The following NRG3 variants were observed in gnomAD, a reference collection of about 807,000 sequenced individuals.
The protein encoded by NRG3 is neuregulin 3.
In NRG3, 31 loss-of-function variants were observed where a neutral mutation model predicts 66.9. The observed-to-expected ratio is 0.46, with a 90% CI of 0.35 to 0.63. The LOEUF (loss-of-function observed/expected upper bound fraction) is 0.63. Ranked by LOEUF, NRG3 falls within the 20% of genes least tolerant of loss-of-function variation. The probability of loss-of-function intolerance (pLI) is 0.00; values close to 1 mark genes in which losing one functional copy is unlikely to be tolerated. For missense variants in NRG3, 910 were observed against 878.9 expected (o/e 1.04, Z -0.45); for synonymous variants, 393 against 359.4 (o/e 1.09, Z -1.06).
intron 2 of NRG3, among the ~76,000 whole-genome samples, chr10:82,708,691 CAAG>C (rs1023501460): frequency 2.0e-5 from 3 of 152,086 alleles, no homozygotes; most frequent in Non-Finnish European, 4.4e-5. Flanking sequence ...TTTCATAAGA[CAAG>C]AAAGTTGCTT....
At chr10:82,914,206 CTTTTTCATTAGAT>C (rs1213416953) in intron 4 of NRG3, among the ~76,000 whole-genome samples, 1 of 151,820 alleles carries the variant, frequency 6.6e-6, no homozygotes, top group Non-Finnish European at 1.5e-5. Flanking sequence ...ATGTTGTGTA[CTTTTTCATTAGAT>C]CCTTTGGCCT....
intron 2 of NRG3, among the ~76,000 whole-genome samples, chr10:82,696,277 G>A (rs1423783129): frequency 2.6e-5 from 4 of 152,018 alleles, no homozygotes; most frequent in Non-Finnish European, 5.9e-5. Context: ...AGACCATCAC[G>A]GTAGTGAAAC....
intron 3 of NRG3, among the ~76,000 whole-genome samples, chr10:82,779,710 T>C (rs2060041923): frequency 6.6e-6 from 1 of 151,978 alleles, no homozygotes; most frequent in South Asian, 2.1e-4. Context: ...ATTTCTTTAG[T>C]TACTGAAATT....
At chr10:82,802,885 G>T (rs2061107187) in intron 3 of NRG3, among the ~76,000 whole-genome samples, 1 of 152,086 alleles carries the variant, frequency 6.6e-6, no homozygotes, top group Admixed American at 6.6e-5. Flanking sequence ...ATTTTGCCCA[G>T]GCTGGTCTCA....
At chr10:82,646,719 A>G (rs1391645956) in intron 2 of NRG3, among the ~76,000 whole-genome samples, 1 of 152,110 alleles carries the variant, frequency 6.6e-6, no homozygotes, top group South Asian at 2.1e-4. Context: ...ATGCTGGGGT[A>G]TGCTCAAGGA....
In NRG3 at chr10:82,614,661, G is replaced by C. The variant is rs527981236; in HGVS notation, c.954-123916G>C. 1.1e-4 allele frequency among the ~76,000 whole-genome samples: 17 copies of C among 152,196 alleles called. No individual in the cohort carries two copies. In the South Asian group the frequency reaches 3.3e-3, roughly 30 times the overall value. On this transcript the variant is annotated intron_variant, in intron 2 of 8. Transcript: ENST00000372141. ...AGAAGTTTTCAGGTAATAGAAGCAA[G>C]ATTCAAATTCACTTTTTACTCAGAT...
chr10:82,503,886 C>T (rs1844427234), intron 2 of NRG3, among the ~76,000 whole-genome samples: 1 of 152,084 alleles, frequency 6.6e-6, no homozygotes, highest in African/African-American at 2.4e-5. Context: ...TGCTTTTGAA[C>T]TAATGTAGTG....
intron 1 of NRG3, among the ~76,000 whole-genome samples, chr10:81,995,533 G>A (rs925498680): frequency 6.6e-6 from 1 of 152,202 alleles, no homozygotes; most frequent in Non-Finnish European, 1.5e-5. Context: ...GACTTAAGGG[G>A]AAGCCCTGAA....
At chr10:82,394,388 G>T (rs2086584285) in intron 2 of NRG3, among the ~76,000 whole-genome samples, 1 of 152,206 alleles carries the variant, frequency 6.6e-6, no homozygotes, top group Non-Finnish European at 1.5e-5. Context: ...CAGATAATGG[G>T]TAGACACAGG....
chr10:82,508,007 G>A (rs1469664911), intron 2 of NRG3, among the ~76,000 whole-genome samples: 3 of 152,158 alleles, frequency 2.0e-5, no homozygotes, highest in Non-Finnish European at 4.4e-5. Flanking sequence ...ATTTTCTCAA[G>A]AAGGTTATTT....
intron 2 of NRG3, among the ~76,000 whole-genome samples, chr10:82,729,127 G>A (rs2057763356): frequency 6.6e-6 from 1 of 152,086 alleles, no homozygotes; most frequent in East Asian, 1.9e-4. Context: ...TGGCAGAATT[G>A]GAGACCATCC....
chr10:82,614,175 G>A lies in NRG3; in HGVS notation c.954-124402G>A, dbSNP rs182040557. 9.2e-5 allele frequency among the ~76,000 whole-genome samples: 14 copies of A among 152,260 alleles called. No homozygotes were observed. In the East Asian group the frequency reaches 2.5e-3, roughly 27 times the overall value. On this transcript the variant is annotated intron_variant, in intron 2 of 8. Coordinates refer to ENST00000372141, the MANE Select transcript of NRG3 (RefSeq NM_001010848.4). ...GGCCTCCCAAAGCTCTGGGATTATA[G>A]GCGTGAGCCATTGTGCCCACCTGGG...
At chr10:82,586,400 AC>A (rs1469518394) in intron 2 of NRG3, among the ~76,000 whole-genome samples, 1 of 152,234 alleles carries the variant, frequency 6.6e-6, no homozygotes, top group Non-Finnish European at 1.5e-5. Context: ...TTGAAAGGCA[AC>A]TACATTGACT....
At chr10:82,850,198 A>G (rs921691752) in intron 3 of NRG3, among the ~76,000 whole-genome samples, 1 of 152,206 alleles carries the variant, frequency 6.6e-6, no homozygotes, top group African/African-American at 2.4e-5. Context: ...GAAGCACCTT[A>G]GAGGGGACAT....
At chr10:82,596,361 A>T (rs1017959021) in intron 2 of NRG3, among the ~76,000 whole-genome samples, 1 of 152,208 alleles carries the variant, frequency 6.6e-6, no homozygotes, top group East Asian at 1.9e-4. Flanking sequence ...TGCAGATAAT[A>T]ATGAGAAGAA....
intron 2 of NRG3, among the ~76,000 whole-genome samples, chr10:82,401,243 T>C (rs1191436408): frequency 6.6e-6 from 1 of 152,178 alleles, no homozygotes; most frequent in African/African-American, 2.4e-5. Flanking sequence ...TGTATTTATA[T>C]ATGTTATATT....
chr10:82,653,457 T>G (rs926389052), intron 2 of NRG3, among the ~76,000 whole-genome samples: 1 of 152,166 alleles, frequency 6.6e-6, no homozygotes, highest in Non-Finnish European at 1.5e-5. Context: ...CCTGTGGAAA[T>G]GCAGATTGAG....
At chr10:82,827,082 G>A (rs964216186) in intron 3 of NRG3, 2 of 321,360 alleles carry the variant, frequency 6.2e-6, no homozygotes, top group Non-Finnish European at 1.2e-5. Flanking sequence ...TTTCATATCA[G>A]AGAAAAAAGC....
At chr10:82,366,732 A>G (rs2084552023) in intron 2 of NRG3, among the ~76,000 whole-genome samples, 1 of 152,108 alleles carries the variant, frequency 6.6e-6, no homozygotes, top group Non-Finnish European at 1.5e-5. Context: ...AAATGTACAC[A>G]CTGAAAATTA....
Sources: gnomAD v4.1 joint callset for allele counts (sites outside exome capture counted in the v4.1 genomes callset) on GRCh38, gnomAD v4.1.1 for gene constraint, MANE v1.5 for transcripts, NCBI Gene and HGNC (gene_info 2026-07-23, HGNC 2026-07-21) for gene names.